The following ARHGEF26 variants were observed in gnomAD, a reference collection of about 807,000 sequenced individuals.
ARHGEF26 encodes Rho guanine nucleotide exchange factor (GEF) 26.
Under a neutral mutation model 89.4 loss-of-function variants are expected in ARHGEF26, and 59 were observed. The ratio of observed to expected loss-of-function variants is 0.66; its 90% CI spans 0.54 to 0.82. The LOEUF (loss-of-function observed/expected upper bound fraction) is 0.82, where lower values mean the gene tolerates loss of function less well. Ranked by LOEUF, ARHGEF26 falls within the 40% of genes least tolerant of loss-of-function variation. The pLI is 0.00. For missense variants in ARHGEF26, 1,234 were observed against 1,085.6 expected (o/e 1.14, Z -1.92); for synonymous variants, 500 against 428.4 (o/e 1.17, Z -2.06).
rs770535113 is a variant in ARHGEF26, at chr3:154,122,936, C to T, written c.944C>T (p.Thr315Met). Reference protein sequence around the residue: ...PGSLRRGLRSTSYRRAVVSGF... With the variant: ...PGSLRRGLRSMSYRRAVVSGF... ...TCTCTGCGGAGAGGCTTGCGGTCCA[C>T]GTCTTATCGCAGGGCAGTGGTCAGT... The change falls in exon 2 of 15, where the codon ACG becomes ATG. Residue 315 changes from threonine (T) to methionine (M), a missense_variant. Thr to Met is a moderately conservative substitution (Grantham distance 81). Coordinates refer to ENST00000465093, the MANE Select transcript of ARHGEF26 (RefSeq NM_015595.4). The T allele has an allele frequency of 1.2e-6, 2 of 1,613,404 alleles. No homozygotes were observed. The highest frequency in any genetic ancestry group is 1.7e-5 in the Admixed American group (1 of 59,902).
chr3:154,255,668 T>C lies in ARHGEF26; in HGVS notation c.*195T>C. On this transcript the variant is annotated 3_prime_UTR_variant, in exon 15 of 15. Transcript: ENST00000465093. The stretch of plus-strand genomic sequence containing the variant: ...ATACAGTGAGTTTGCACAGCTCAGT[T>C]TTTACCTAACCACACACTTGCAGAC... 7.2e-7 allele frequency: 1 copy of C among 1,395,528 alleles called. No individual in the cohort carries two copies. Among genetic ancestry groups the C allele is most frequent in the South Asian group, 1.7e-5 (1 of 57,448 alleles). 86.4% of individuals were successfully genotyped at this position (1,395,528 alleles called of 1,614,324 possible). A position where few individuals can be genotyped will look rare whatever the true frequency, so the allele number is the denominator to read the frequency against.
intron 6 of ARHGEF26, among the ~76,000 whole-genome samples, chr3:154,158,900 T>G (rs1711513679): frequency 6.6e-6 from 1 of 152,140 alleles, no homozygotes; most frequent in African/African-American, 2.4e-5. Flanking sequence ...TAAATGTGAT[T>G]AACTTACAAT....
chr3:154,208,113 G>A (rs904221101), intron 9 of ARHGEF26, among the ~76,000 whole-genome samples: 2 of 152,124 alleles, frequency 1.3e-5, no homozygotes, highest in Non-Finnish European at 1.5e-5. Flanking sequence ...GTGGGAGGAG[G>A]GAGTGAATTA....
In ARHGEF26 at chr3:154,225,870, C is replaced by A; in HGVS notation, c.1950C>A (p.Val650=). The change falls in exon 11 of 15, where the codon GTC becomes GTA. Residue 650 remains valine (V), a synonymous_variant. Coordinates refer to ENST00000465093, the MANE Select transcript of ARHGEF26 (RefSeq NM_015595.4). ...LEFKIKPFPL[V]SSSRWLVKRG... is the part of the protein sequence containing the mutation. ...TCCTTTTGTAGCCTTTTCCTTTAGT[C>A]TCCTCTTCCCGGTGGTTGGTAAAAA... 2 of 1,602,628 alleles carry A rather than the reference C, an allele frequency of 1.2e-6. No homozygotes were observed. Among genetic ancestry groups the A allele is most frequent in the African/African-American group, 2.7e-5 (2 of 74,002 alleles).
chr3:154,241,999 A>T (rs1435173844), intron 12 of ARHGEF26, among the ~76,000 whole-genome samples: 1 of 152,196 alleles, frequency 6.6e-6, no homozygotes, highest in Non-Finnish European at 1.5e-5. Flanking sequence ...CAAGCCAAGA[A>T]TCTTTGTCAA....
chr3:154,122,694 T>G lies in ARHGEF26; in HGVS notation c.702T>G (p.Val234=). 6.2e-7 allele frequency: 1 copy of G among 1,613,794 alleles called. No individual in the cohort carries two copies. Among genetic ancestry groups the G allele is most frequent in the South Asian group, 1.1e-5 (1 of 91,050 alleles). ...ENELLENPSV[V]LSTNSPAALK... ...AGCTCCTCGAGAATCCTTCCGTGGT[T>G]TTGAGTACAAACAGCCCCGCCGCCC... Residue 234 remains valine, a synonymous_variant, in exon 2 of 15, where the codon GTT becomes GTG. Coordinates refer to ENST00000465093, the MANE Select transcript of ARHGEF26 (RefSeq NM_015595.4).
intron 6 of ARHGEF26, among the ~76,000 whole-genome samples, chr3:154,171,048 C>T (rs149791566): frequency 1.8e-3 from 271 of 152,260 alleles, no homozygotes; most frequent in African/African-American, 5.9e-3. Flanking sequence ...GTTGAGTATT[C>T]ACATGTGGCA....
At chr3:154,161,098 GTTTGT>G (rs1174740625) in intron 6 of ARHGEF26, among the ~76,000 whole-genome samples, 805 of 18,774 alleles carry the variant, frequency 0.043, 17 homozygotes, top group East Asian at 0.2. Context: ...TGGTAGCCAG[GTTTGT>G]GTGTGTGTGT....
intron 6 of ARHGEF26, among the ~76,000 whole-genome samples, chr3:154,158,594 C>A (rs924920052): frequency 7.9e-5 from 12 of 152,254 alleles, no homozygotes; most frequent in African/African-American, 2.9e-4. Context: ...GTACCAACTT[C>A]TTCCCTCTGA....
At chr3:154,183,436 G>A (rs1360861904) in intron 6 of ARHGEF26, among the ~76,000 whole-genome samples, 4 of 152,304 alleles carry the variant, frequency 2.6e-5, no homozygotes, top group South Asian at 2.1e-4. Context: ...CCATTAAAAA[G>A]TTGTCCTCCT....
At chr3:154,253,886 C>T (rs1718315902) in intron 13 of ARHGEF26, among the ~76,000 whole-genome samples, 1 of 152,124 alleles carries the variant, frequency 6.6e-6, no homozygotes, top group African/African-American at 2.4e-5. Flanking sequence ...TTTGAAAGTT[C>T]CCGGAAATCA....
chr3:154,174,655 A>G (rs928426850), intron 6 of ARHGEF26, among the ~76,000 whole-genome samples: 3 of 152,226 alleles, frequency 2.0e-5, no homozygotes, highest in Non-Finnish European at 4.4e-5. Context: ...TTCCTGTTAC[A>G]GTTAATTGGG....
In ARHGEF26 at chr3:154,202,718, G is replaced by A. The variant is rs573352168; in HGVS notation, c.1845+8000G>A. Among the ~76,000 whole-genome samples, 41 of 149,794 alleles carry A rather than the reference G, an allele frequency of 2.7e-4. 1 individual carries two copies. The highest frequency in any genetic ancestry group is 9.1e-4 in the African/African-American group (37 of 40,518). ...AGTTCTCCTTGAAGAGGTCCTTCAT[G>A]TCCCTTGTAAGTTGGATTCCTAGGT... On this transcript the variant is annotated intron_variant, in intron 9 of 14. Coordinates refer to ENST00000465093, the MANE Select transcript of ARHGEF26 (RefSeq NM_015595.4).
chr3:154,142,231 T>C (rs13066925), intron 4 of ARHGEF26, among the ~76,000 whole-genome samples: 31,952 of 151,754 alleles, frequency 0.21, 4,345 homozygotes, highest in East Asian at 0.47. Context: ...TTTTTTTTTT[T>C]TCTTTTAAGG....
At chr3:154,216,514 T>TA (rs1460297986) in intron 9 of ARHGEF26, among the ~76,000 whole-genome samples, 3,768 of 147,144 alleles carry the variant, frequency 0.026, 74 homozygotes, top group Middle Eastern at 0.1. Flanking sequence ...TTTTTATTTT[T>TA]TTTTTATGTC....
rs368976915 is a variant in ARHGEF26 at position 154,122,079 on chromosome 3, T to G, written c.87T>G (p.Val29=). The G allele has an allele frequency of 6.2e-7, 1 of 1,612,334 alleles. No individual in the cohort carries two copies. Among genetic ancestry groups the G allele is most frequent in the African/African-American group, 1.3e-5 (1 of 75,000 alleles). ...RRRSIPQPHQ[V]LGRSKPRPQS... ...GGTCGATTCCTCAGCCCCACCAGGTTCTGGGCCGGAGCAAGCCGAGGCCCC... is the reference window on the plus strand; with the variant it reads ...GGTCGATTCCTCAGCCCCACCAGGTGCTGGGCCGGAGCAAGCCGAGGCCCC... Residue 29 remains valine (V), a synonymous_variant, in exon 2 of 15, where the codon GTT becomes GTG. Coordinates refer to ENST00000465093, the MANE Select transcript of ARHGEF26 (RefSeq NM_015595.4).
At chr3:154,130,080 C>T (rs1171594447) in intron 4 of ARHGEF26, among the ~76,000 whole-genome samples, 1 of 150,048 alleles carries the variant, frequency 6.7e-6, no homozygotes, top group Non-Finnish European at 1.5e-5. Context: ...TGTATATGTA[C>T]ATGTATGTAT....
chr3:154,202,182 T>G (rs1017252054), intron 9 of ARHGEF26, among the ~76,000 whole-genome samples: 1 of 152,210 alleles, frequency 6.6e-6, no homozygotes, highest in Non-Finnish European at 1.5e-5. Context: ...AATTTTTGTA[T>G]AAGGTGTAAG....
At chr3:154,174,307 A>C (rs373079608) in intron 6 of ARHGEF26, among the ~76,000 whole-genome samples, 2 of 152,230 alleles carry the variant, frequency 1.3e-5, no homozygotes, top group South Asian at 4.1e-4. Flanking sequence ...CTTAATTTTT[A>C]AATGTTTGGA....
Sources: gnomAD v4.1 joint callset for allele counts (sites outside exome capture counted in the v4.1 genomes callset) on GRCh38, gnomAD v4.1.1 for gene constraint, MANE v1.5 for transcripts, NCBI Gene and HGNC (gene_info 2026-07-23, HGNC 2026-07-21) for gene names.